GALNT13: variants seen among roughly 807,000 people sequenced by gnomAD.
The protein encoded by GALNT13 is UDP-GalNAc:polypeptide N-acetylgalactosaminyltransferase 13.
In GALNT13, 28 loss-of-function variants were observed where a neutral mutation model predicts 64.2. That is an observed-to-expected ratio of 0.44 (90% CI 0.32 to 0.60). The LOEUF is 0.60. GALNT13 is among the 20% of genes least tolerant of loss of function. The pLI, the probability that GALNT13 is intolerant of heterozygous loss-of-function variation, is 0.05. For synonymous variants in GALNT13, 214 were observed against 224.6 expected (o/e 0.95, Z 0.42); for missense variants, 577 against 669.8 (o/e 0.86, Z 1.53).
chr2:154,153,104 T>C (rs1481515948), intron 4 of GALNT13, among the ~76,000 whole-genome samples: 2 of 152,126 alleles, frequency 1.3e-5, no homozygotes, highest in African/African-American at 4.8e-5. Context: ...TACAGATGGG[T>C]TTTTGGTGTG....
At chr2:153,403,212 T>TG in the GALNT13 span, among the ~76,000 whole-genome samples, 3 of 150,006 alleles carry the variant, frequency 2.0e-5, no homozygotes, top group African/African-American at 7.3e-5. Context: ...ATGCCCCTGC[T>TG]GGGGGGTGCC....
intron 4 of GALNT13, among the ~76,000 whole-genome samples, chr2:154,144,577 A>T (rs1435510009): frequency 6.6e-6 from 1 of 152,168 alleles, no homozygotes; most frequent in South Asian, 2.1e-4. Context: ...ATGTGAATTC[A>T]TTCAAATATC....
chr2:153,086,626 C>T, the GALNT13 span, among the ~76,000 whole-genome samples: 1 of 152,106 alleles, frequency 6.6e-6, no homozygotes, highest in African/African-American at 2.4e-5. Context: ...AAACCTCTTT[C>T]CTTTATAAAT....
At chr2:153,681,684 C>T in the GALNT13 span, among the ~76,000 whole-genome samples, 2 of 151,722 alleles carry the variant, frequency 1.3e-5, no homozygotes, top group African/African-American at 2.4e-5. Context: ...TGACACTTTG[C>T]GTGTGTCTTC....
At chr2:153,536,100 G>C in the GALNT13 span, among the ~76,000 whole-genome samples, 1 of 152,142 alleles carries the variant, frequency 6.6e-6, no homozygotes, top group East Asian at 1.9e-4. Context: ...AATAGAGTAC[G>C]CTGACATGTT....
intron 4 of GALNT13, among the ~76,000 whole-genome samples, chr2:154,212,859 T>C (rs1301149535): frequency 6.6e-6 from 1 of 152,124 alleles, no homozygotes; most frequent in African/African-American, 2.4e-5. Flanking sequence ...CTTGTGCATT[T>C]TTTTTCACTT....
At chr2:153,483,410 C>CT in the GALNT13 span, among the ~76,000 whole-genome samples, 281 of 71,704 alleles carry the variant, frequency 3.9e-3, no homozygotes, top group East Asian at 0.015. Flanking sequence ...GAATAAAATT[C>CT]TTTTTTTTTT....
chr2:153,899,518 T>G (rs1248124079), intron 1 of GALNT13, among the ~76,000 whole-genome samples: 1 of 152,220 alleles, frequency 6.6e-6, no homozygotes, highest in African/African-American at 2.4e-5. Context: ...ACTTGCTAAC[T>G]ATATTTAGTT....
chr2:153,756,683 T>C, the GALNT13 span, among the ~76,000 whole-genome samples: 3 of 152,270 alleles, frequency 2.0e-5, no homozygotes, highest in East Asian at 5.8e-4. Flanking sequence ...ACATCCTTTC[T>C]GCTTTCCAGG....
At chr2:153,329,000 G>C in the GALNT13 span, among the ~76,000 whole-genome samples, 1 of 152,100 alleles carries the variant, frequency 6.6e-6, no homozygotes, top group African/African-American at 2.4e-5. Context: ...CGTAGTATCT[G>C]GGCTGGATAG....
intron 4 of GALNT13, among the ~76,000 whole-genome samples, chr2:154,218,431 C>T (rs1238485517): frequency 3.9e-5 from 6 of 152,112 alleles, no homozygotes; most frequent in African/African-American, 1.2e-4. Flanking sequence ...CCCTTCACCT[C>T]CAATCCTCCT....
the GALNT13 span, among the ~76,000 whole-genome samples, chr2:153,579,733 C>T: frequency 6.6e-6 from 1 of 152,062 alleles, no homozygotes; most frequent in South Asian, 2.1e-4. Context: ...CTGAGCTCCA[C>T]CTCTCATCAG....
chr2:153,442,904 G>A, the GALNT13 span, among the ~76,000 whole-genome samples: 1 of 152,280 alleles, frequency 6.6e-6, no homozygotes, highest in African/African-American at 2.4e-5. Flanking sequence ...CCCTTACCAA[G>A]CTCGAGTGTC....
At chr2:153,621,466 A>G in the GALNT13 span, among the ~76,000 whole-genome samples, 1 of 152,012 alleles carries the variant, frequency 6.6e-6, no homozygotes, top group Non-Finnish European at 1.5e-5. Context: ...GCCAATGTTC[A>G]CTCAAGTAAC....
At chr2:154,291,600 G>A (rs954405058) in intron 8 of GALNT13, among the ~76,000 whole-genome samples, 3 of 152,186 alleles carry the variant, frequency 2.0e-5, no homozygotes, top group Admixed American at 2.0e-4. Flanking sequence ...TGGGTGCGGG[G>A]CCCACCGAAC....
intron 2 of GALNT13, among the ~76,000 whole-genome samples, chr2:153,909,632 C>G (rs1241992573): frequency 6.6e-6 from 1 of 152,092 alleles, no homozygotes; most frequent in Non-Finnish European, 1.5e-5. Flanking sequence ...GAGTTTTTAA[C>G]ATGAAGGGAT....
At chr2:153,517,395 G>A in the GALNT13 span, among the ~76,000 whole-genome samples, 535 of 152,252 alleles carry the variant, frequency 3.5e-3, 2 homozygotes, top group Non-Finnish European at 6.0e-3. Context: ...GAGCTTCTAG[G>A]AGAAGTGATT....
the GALNT13 span, among the ~76,000 whole-genome samples, chr2:153,850,051 C>T: frequency 6.7e-6 from 1 of 148,850 alleles, no homozygotes; most frequent in Non-Finnish European, 1.5e-5. Context: ...TGGTGGCGGA[C>T]ACCTGTAGTC....
At chr2:153,129,185 C>T in the GALNT13 span, among the ~76,000 whole-genome samples, 1 of 152,110 alleles carries the variant, frequency 6.6e-6, no homozygotes, top group African/African-American at 2.4e-5. Flanking sequence ...TTTCAAATAG[C>T]AGTTCTACTT....
Sources: allele counts gnomAD v4.1 joint callset (sites outside exome capture counted in the v4.1 genomes callset), GRCh38; gene constraint gnomAD v4.1.1; transcripts MANE v1.5; gene names NCBI Gene and HGNC (gene_info 2026-07-23, HGNC 2026-07-21).